Variants in NIPA2 observed in about 807,000 individuals in gnomAD.
The protein encoded by NIPA2 is magnesium transporter NIPA2.
In NIPA2, 11 loss-of-function variants were observed where a neutral mutation model predicts 29.7. The ratio of observed to expected loss-of-function variants is 0.37; its 90% CI spans 0.23 to 0.61. The LOEUF (loss-of-function observed/expected upper bound fraction) is 0.61, where lower values mean the gene tolerates loss of function less well. NIPA2 is among the 20% of genes least tolerant of loss of function. The pLI is 0.66. For synonymous variants in NIPA2, 183 were observed against 161.9 expected (o/e 1.13, Z -0.99); for missense variants, 426 against 437.9 (o/e 0.97, Z 0.24).
intron 6 of NIPA2, among the ~76,000 whole-genome samples, chr15:22,859,514 G>C (rs548324237): frequency 6.6e-6 from 1 of 152,202 alleles, no homozygotes; most frequent in Admixed American, 6.5e-5. Context: ...GGATGGTCTC[G>C]ATGTCCTGAC....
intron 3 of NIPA2, among the ~76,000 whole-genome samples, chr15:22,851,002 C>T (rs1428772817): frequency 6.6e-6 from 1 of 152,112 alleles, no homozygotes. Flanking sequence ...CTTGGTAAGC[C>T]TCTGCTTCCT....
intron 7 of NIPA2, among the ~76,000 whole-genome samples, chr15:22,864,401 A>G (rs1450158367): frequency 2.6e-5 from 4 of 151,978 alleles, no homozygotes; most frequent in Non-Finnish European, 5.9e-5. Flanking sequence ...TGATCCGCCC[A>G]CCTCGGCCGC....
intron 5 of NIPA2, among the ~76,000 whole-genome samples, chr15:22,857,915 C>T (rs938478512): frequency 6.6e-6 from 1 of 150,472 alleles, no homozygotes; most frequent in African/African-American, 2.4e-5. Context: ...TCGGCTTCTT[C>T]TCAGTGATTT....
chr15:22,851,204 T>C (rs2057713651), intron 3 of NIPA2, among the ~76,000 whole-genome samples: 1 of 152,234 alleles, frequency 6.6e-6, no homozygotes, highest in South Asian at 2.1e-4. Flanking sequence ...TATGCTTATG[T>C]GCACCTATTG....
At chr15:22,840,290 G>GTTTTTTTTTTTTTTTTTTTTTT (rs59421708) in intron 2 of NIPA2, among the ~76,000 whole-genome samples, 1 of 137,810 alleles carries the variant, frequency 7.3e-6, no homozygotes, top group Non-Finnish European at 1.6e-5. Flanking sequence ...TCTATATATA[G>GTTTTTTTTTTTTTTTTTTTTTT]TTTTTTTTTT....
intron 3 of NIPA2, among the ~76,000 whole-genome samples, chr15:22,846,818 AAAT>A (rs1555380233): frequency 6.6e-5 from 9 of 135,842 alleles, no homozygotes; most frequent in African/African-American, 1.6e-4. Context: ...CCTGTCTCCA[AAAT>A]AATAATAATA....
intron 3 of NIPA2, among the ~76,000 whole-genome samples, chr15:22,847,762 G>A (rs1424657504): frequency 5.3e-5 from 8 of 151,612 alleles, no homozygotes; most frequent in Non-Finnish European, 7.4e-5. Context: ...GTGCCCGGCC[G>A]ATGATTTTTA....
rs2058553166 is a variant in NIPA2 at position 22,860,617 on chromosome 15, T to TC, written c.288-8dup. 3 of 1,523,344 alleles carry TC rather than the reference T, an allele frequency of 2.0e-6. No individual in the cohort carries two copies. Among genetic ancestry groups the TC allele is most frequent in the Non-Finnish European group, 2.6e-6 (3 of 1,138,286 alleles). The allele number at this position is 1,523,344 out of a possible 1,614,324, so 94.4% of individuals were successfully genotyped here. On this transcript the variant is annotated splice_polypyrimidine_tract_variant and intron_variant, in intron 6 of 7. Coordinates refer to ENST00000337451, the MANE Select transcript of NIPA2 (RefSeq NM_030922.7). ...GATTAAAGTTCTCAATTTTTTTTCC[T>TC]CCCCATTTTAGTGCCATTCTTTCTT...
chr15:22,856,188 TAAA>T (rs910209133), intron 5 of NIPA2, among the ~76,000 whole-genome samples: 20 of 152,174 alleles, frequency 1.3e-4, no homozygotes, highest in African/African-American at 4.1e-4. Context: ...TGTTGTGTAT[TAAA>T]AAATACACAA....
In NIPA2 at chr15:22,866,488, A is replaced by C. The variant is rs1437301960; in HGVS notation, c.724A>C (p.Ile242Leu). Residue 242 changes from isoleucine (I) to leucine (L), a missense_variant, in exon 8 of 8, where the codon ATA becomes CTA. Physicochemically the swap from Ile to Leu is conservative, Grantham distance 5 (BLOSUM62 2). Around this residue, in one of 3 missense-constraint regions of NIPA2, gnomAD observed 357 missense variants for 339.8 expected, o/e 1.05. Coordinates refer to ENST00000337451, the MANE Select transcript of NIPA2 (RefSeq NM_030922.7). The stretch of plus-strand genomic sequence containing the variant: ...TAATTACCTAAATAGGGCCCTGGAT[A>C]TATTCAACACTTCCATTGTGACTCC... ...QINYLNRALDIFNTSIVTPIY... is the reference protein window; with the variant it reads ...QINYLNRALDLFNTSIVTPIY... 1 of 1,613,992 alleles carries C rather than the reference A, an allele frequency of 6.2e-7. No homozygotes were observed. The highest frequency in any genetic ancestry group is 8.5e-7 in the Non-Finnish European group (1 of 1,179,924).
In NIPA2 at chr15:22,868,143, C is replaced by CT. The variant is rs2059268637; in HGVS notation, c.*1297dup. On this transcript the variant is annotated 3_prime_UTR_variant, in exon 8 of 8. Transcript: ENST00000337451. ...TGCTGGTATCCCATGCAGCTCACCA[C>CT]TGGCTGCGTGGAAACTCCCTTTTTT... The CT allele has an allele frequency of 6.6e-6, 1 of 152,258 alleles. No homozygotes were observed. The highest frequency in any genetic ancestry group is 1.5e-5 in the Non-Finnish European group (1 of 68,052). 9.4% of individuals were successfully genotyped at this position (152,258 alleles called of 1,614,324 possible).
At chr15:22,843,869 G>C (rs1466302443) in intron 2 of NIPA2, among the ~76,000 whole-genome samples, 2 of 151,992 alleles carry the variant, frequency 1.3e-5, no homozygotes, top group African/African-American at 4.8e-5. Context: ...AGGTTGGCCA[G>C]GTATGTTTTG....
Position 22,851,959 on chromosome 15 carries a change from G to C in NIPA2, c.139+89G>C, listed in dbSNP as rs187730230. ...GTACAAGACCACATCTTCATTCCTC[G>C]TGAGTGTATTTGAAACTTTGAATTG... On this transcript the variant is annotated intron_variant, in intron 4 of 7. Coordinates refer to ENST00000337451, the MANE Select transcript of NIPA2 (RefSeq NM_030922.7). 71 of 1,079,674 alleles carry C rather than the reference G, an allele frequency of 6.6e-5. 1 individual carries two copies. The South Asian group carries it at 1.1e-3, about 16-fold the overall frequency. 66.9% of individuals were successfully genotyped at this position (1,079,674 alleles called of 1,614,324 possible). A position where few individuals can be genotyped will look rare whatever the true frequency, so the allele number is the denominator to read the frequency against.
Position 22,855,376 on chromosome 15 carries a change from C to T in NIPA2, c.196+2108C>T, listed in dbSNP as rs187866218. ...AGGTTACAGTGAGCTGAGATTGTGCCGTTGCACTCCAGCCTGGGCAACAAG... is the reference window on the plus strand; with the variant it reads ...AGGTTACAGTGAGCTGAGATTGTGCTGTTGCACTCCAGCCTGGGCAACAAG... On this transcript the variant is annotated intron_variant, in intron 5 of 7. Coordinates refer to ENST00000337451, the MANE Select transcript of NIPA2 (RefSeq NM_030922.7). 1.2e-4 allele frequency among the ~76,000 whole-genome samples: 18 copies of T among 151,866 alleles called. 1 individual carries two copies. In the East Asian group the frequency reaches 2.7e-3, roughly 23 times the overall value.
intron 2 of NIPA2, among the ~76,000 whole-genome samples, chr15:22,843,484 G>A (rs373922509): frequency 1.5e-4 from 23 of 149,466 alleles, no homozygotes; most frequent in African/African-American, 3.2e-4. Flanking sequence ...CCAGCCTGGG[G>A]GACAGAGCGA....
At chr15:22,847,121 G>A (rs1336035538) in intron 3 of NIPA2, among the ~76,000 whole-genome samples, 1 of 151,770 alleles carries the variant, frequency 6.6e-6, no homozygotes, top group African/African-American at 2.4e-5. Context: ...GGTCAGGCTG[G>A]TCTCGAACTC....
intron 3 of NIPA2, among the ~76,000 whole-genome samples, chr15:22,847,375 G>A (rs1268845748): frequency 2.0e-5 from 3 of 152,128 alleles, no homozygotes; most frequent in Admixed American, 2.0e-4. Flanking sequence ...GAGCAATACA[G>A]CTGTCAAGTA....
chr15:22,854,545 G>C (rs2058041301), intron 5 of NIPA2, among the ~76,000 whole-genome samples: 1 of 148,486 alleles, frequency 6.7e-6, no homozygotes, highest in South Asian at 2.4e-4. Flanking sequence ...AAGAGTTCAA[G>C]ACCAGCCTGG....
Position 22,866,232 on chromosome 15 carries a change from C to T in NIPA2, c.468C>T (p.Thr156=), listed in dbSNP as rs773001676. The T allele has an allele frequency of 2.5e-6, 4 of 1,613,332 alleles. No homozygotes were observed. The highest frequency in any genetic ancestry group is 2.2e-5 in the South Asian group (2 of 91,052). ...LGDPGFVVFA[T]LVVIVALILI... Reference sequence around the variant, plus strand: ...CTCCAGGTTTTGTGGTCTTTGCAACCCTTGTGGTCATTGTGGCCTTGATAT... The same window carrying T: ...CTCCAGGTTTTGTGGTCTTTGCAACTCTTGTGGTCATTGTGGCCTTGATAT... Residue 156 remains threonine (T), a synonymous_variant, in exon 8 of 8, where the codon ACC becomes ACT. Transcript: ENST00000337451.
Sources: gnomAD v4.1 joint callset for allele counts (sites outside exome capture counted in the v4.1 genomes callset) on GRCh38, gnomAD v4.1.1 for gene constraint, gnomAD v4.1.1 regional missense constraint, MANE v1.5 for transcripts, NCBI Gene and HGNC (gene_info 2026-07-23, HGNC 2026-07-21) for gene names.